TMEFF1: variants seen among roughly 807,000 people sequenced by gnomAD.
TMEFF1 encodes tomoregulin-1.
In TMEFF1, 20 loss-of-function variants were observed where a neutral mutation model predicts 47.5. The ratio of observed to expected loss-of-function variants is 0.42; its 90% confidence interval spans 0.30 to 0.61. TMEFF1 has a LOEUF of 0.61. TMEFF1 is among the 20% of genes least tolerant of loss of function. The probability of loss-of-function intolerance (pLI) is 0.19; values close to 1 mark genes in which losing one functional copy is unlikely to be tolerated. For synonymous variants in TMEFF1, 162 were observed against 166.3 expected, an observed-to-expected ratio of 0.97 and a Z score of 0.20; for missense variants, 411 against 471.1, an observed-to-expected ratio of 0.87 and a Z score of 1.18.
At chr9:100,555,209 G>A (rs906203088) in intron 7 of TMEFF1, among the ~76,000 whole-genome samples, 13 of 151,398 alleles carry the variant, frequency 8.6e-5, no homozygotes, top group Non-Finnish European at 1.8e-4. Flanking sequence ...ACACATTGTT[G>A]CAGTTGCAAC....
chr9:100,554,730 G>A (rs1341550935), intron 7 of TMEFF1, among the ~76,000 whole-genome samples: 1 of 151,734 alleles, frequency 6.6e-6, no homozygotes, highest in Non-Finnish European at 1.5e-5. Flanking sequence ...GTTAGGGAAG[G>A]ATGTGTGGAG....
rs149538416 is a variant in TMEFF1, at chr9:100,478,503, CAG to C, written c.196+4764_196+4765del. 4.9e-3 allele frequency among the ~76,000 whole-genome samples: 753 copies of C among 152,254 alleles called. 4 individuals are homozygous for C. Among genetic ancestry groups the C allele is most frequent in the African/African-American group, 0.017 (707 of 41,532 alleles). On this transcript the variant is annotated intron_variant, in intron 1 of 9. Coordinates refer to ENST00000374879, the MANE Select transcript of TMEFF1 (RefSeq NM_003692.5). The stretch of plus-strand genomic sequence containing the variant: ...TAATTTTTTGTGTTTTTAGTAGAGA[CAG>C]GGCTTCGCCATGATGCCCAGGCTGG...
Position 100,501,251 on chromosome 9 carries a change from G to A in TMEFF1, c.306+2377G>A, listed in dbSNP as rs567721655. Among the ~76,000 whole-genome samples the A allele has an allele frequency of 3.9e-4, 59 of 152,320 alleles. No homozygotes were observed. The South Asian group carries it at 0.012, about 32-fold the overall frequency. ...TTGTTGGGCCAGTGGATACTCATGT[G>A]CAGATTAACATTATCACCAATAGCC... On this transcript the variant is annotated intron_variant, in intron 2 of 9. Transcript: ENST00000374879.
chr9:100,526,754 G>C (rs1004654882), intron 5 of TMEFF1, among the ~76,000 whole-genome samples: 1 of 151,744 alleles, frequency 6.6e-6, no homozygotes, highest in African/African-American at 2.4e-5. Flanking sequence ...TTAATGTTAT[G>C]TGGCCTTTTA....
intron 5 of TMEFF1, among the ~76,000 whole-genome samples, chr9:100,518,232 T>C (rs906634406): frequency 3.3e-5 from 5 of 152,074 alleles, no homozygotes; most frequent in African/African-American, 1.2e-4. Context: ...TTTGGGAGGC[T>C]TAGGTGGGAG....
At chr9:100,482,247 G>T (rs1416336040) in intron 1 of TMEFF1, among the ~76,000 whole-genome samples, 1 of 150,726 alleles carries the variant, frequency 6.6e-6, no homozygotes. Flanking sequence ...GCCCAGGCTG[G>T]AGTGCAGCGG....
At chr9:100,575,358 C>T (rs1485113663) in intron 9 of TMEFF1, among the ~76,000 whole-genome samples, 1 of 152,098 alleles carries the variant, frequency 6.6e-6, no homozygotes, top group African/African-American at 2.4e-5. Flanking sequence ...TTGAACATCA[C>T]CTTAACTAAA....
intron 7 of TMEFF1, 135 bp downstream of exon 7, chr9:100,550,295 A>G (rs1414322256): frequency 9.9e-6 from 7 of 704,482 alleles, no homozygotes; most frequent in Non-Finnish European, 1.5e-5. Context: ...ACAGTTAATT[A>G]TTAGTATTAA....
intron 7 of TMEFF1, among the ~76,000 whole-genome samples, chr9:100,557,982 A>T (rs1041647347): frequency 6.6e-6 from 1 of 152,166 alleles, no homozygotes; most frequent in South Asian, 2.1e-4. Context: ...TCAAAGCCTT[A>T]TTAGACATGT....
chr9:100,479,687 G>A (rs1416002869), intron 1 of TMEFF1, among the ~76,000 whole-genome samples: 1 of 152,184 alleles, frequency 6.6e-6, no homozygotes, highest in Non-Finnish European at 1.5e-5. Context: ...ATGTTGTAGT[G>A]TGTATCAGAA....
intron 5 of TMEFF1, among the ~76,000 whole-genome samples, chr9:100,536,533 G>A (rs1019619900): frequency 2.0e-5 from 3 of 152,146 alleles, no homozygotes; most frequent in Non-Finnish European, 4.4e-5. Context: ...AATATAAAAA[G>A]CATTGTCACT....
intron 2 of TMEFF1, among the ~76,000 whole-genome samples, chr9:100,502,613 T>C (rs1488798258): frequency 6.6e-6 from 1 of 152,212 alleles, no homozygotes; most frequent in African/African-American, 2.4e-5. Flanking sequence ...CTTCCCACCT[T>C]GGCGTCCCAA....
intron 5 of TMEFF1, among the ~76,000 whole-genome samples, chr9:100,530,649 C>T (rs1223506295): frequency 2.0e-5 from 3 of 152,044 alleles, no homozygotes; most frequent in Admixed American, 2.0e-4. Context: ...CCGAATTCTA[C>T]CAGAGGTACA....
chr9:100,491,882 CT>C (rs145822143), intron 1 of TMEFF1, among the ~76,000 whole-genome samples: 256 of 137,418 alleles, frequency 1.9e-3, no homozygotes, highest in Middle Eastern at 7.6e-3. Flanking sequence ...AGTTTCTTTC[CT>C]TTTTTTTTTT....
intron 3 of TMEFF1, among the ~76,000 whole-genome samples, 188 bp from the exon 4 acceptor site, chr9:100,513,118 TC>T (rs776521872): frequency 3.9e-5 from 6 of 152,114 alleles, no homozygotes; most frequent in Non-Finnish European, 7.4e-5. Context: ...TGATTATGTA[TC>T]TAAGCAATTT....
At chr9:100,501,901 C>T (rs1324286727) in intron 2 of TMEFF1, among the ~76,000 whole-genome samples, 2 of 152,124 alleles carry the variant, frequency 1.3e-5, no homozygotes, top group Admixed American at 6.5e-5. Flanking sequence ...CCTTGGCCTC[C>T]CAAAGTGCTG....
At chr9:100,554,496 G>A (rs1487182543) in intron 7 of TMEFF1, among the ~76,000 whole-genome samples, 2 of 151,982 alleles carry the variant, frequency 1.3e-5, no homozygotes, top group African/African-American at 4.8e-5. Context: ...TGGTACATCA[G>A]GAAGATGAAA....
chr9:100,482,783 G>A (rs955384498), intron 1 of TMEFF1, among the ~76,000 whole-genome samples: 2 of 152,056 alleles, frequency 1.3e-5, no homozygotes, highest in African/African-American at 4.8e-5. Context: ...TGTTTGGATG[G>A]GAGACCTTAT....
chr9:100,499,573 A>T (rs1837720660), intron 2 of TMEFF1, among the ~76,000 whole-genome samples: 1 of 152,168 alleles, frequency 6.6e-6, no homozygotes, highest in African/African-American at 2.4e-5. Context: ...TTTTATTCTA[A>T]ACGTACCCAC....
Sources: allele counts gnomAD v4.1 joint callset (sites outside exome capture counted in the v4.1 genomes callset), GRCh38; gene constraint gnomAD v4.1.1; transcripts MANE v1.5; gene names NCBI Gene and HGNC (gene_info 2026-07-23, HGNC 2026-07-21).